Variants in DOCK3 observed in about 807,000 individuals in gnomAD.
DOCK3 encodes dedicator of cytokinesis protein 3.
Under a neutral mutation model 265.6 loss-of-function variants are expected in DOCK3, and 60 were observed. The observed-to-expected ratio is 0.23, with a 90% CI of 0.18 to 0.28. DOCK3 has a LOEUF of 0.28. Ranked by LOEUF, DOCK3 falls within the 10% of genes least tolerant of loss-of-function variation. The pLI is 1.00. For missense variants in DOCK3, 1,981 were observed against 2,594.3 expected (o/e 0.76, Z 5.14); for synonymous variants, 881 against 938.0 (o/e 0.94, Z 1.11).
At chr3:50,813,273 C>T (rs2043870524) in intron 2 of DOCK3, among the ~76,000 whole-genome samples, 2 of 152,184 alleles carry the variant, frequency 1.3e-5, no homozygotes, top group Admixed American at 1.3e-4. Flanking sequence ...GTGGCTCACA[C>T]CTGTAATCCT....
chr3:51,067,585 G>C (rs755543577), intron 6 of DOCK3, among the ~76,000 whole-genome samples: 1 of 149,058 alleles, frequency 6.7e-6, no homozygotes, highest in South Asian at 2.1e-4. Flanking sequence ...CCTACTTTCC[G>C]TCTTCTTTTC....
At chr3:50,876,422 G>A (rs1042611624) in intron 3 of DOCK3, among the ~76,000 whole-genome samples, 1 of 152,050 alleles carries the variant, frequency 6.6e-6, no homozygotes, top group African/African-American at 2.4e-5. Flanking sequence ...AAAATATTTA[G>A]TATTTTATTC....
intron 27 of DOCK3, among the ~76,000 whole-genome samples, chr3:51,308,880 G>A (rs1464439772): frequency 4.3e-5 from 6 of 139,436 alleles, no homozygotes; most frequent in East Asian, 2.0e-4. Flanking sequence ...GGCGGCTGCC[G>A]GGCGGAGGGT....
chr3:50,706,976 T>C (rs572597289), intron 1 of DOCK3, among the ~76,000 whole-genome samples: 1 of 152,244 alleles, frequency 6.6e-6, no homozygotes, highest in African/African-American at 2.4e-5. Context: ...GCTGTTTTTA[T>C]GATAGTGAGT....
intron 2 of DOCK3, among the ~76,000 whole-genome samples, chr3:50,807,249 C>CTTT (rs59370167): frequency 4.2e-3 from 607 of 143,892 alleles, no homozygotes; most frequent in Non-Finnish European, 6.1e-3. Flanking sequence ...CTGCCACGCT[C>CTTT]TTTTTTTTTT....
chr3:51,187,152 GC>G (rs1271420133), intron 12 of DOCK3, among the ~76,000 whole-genome samples: 3 of 152,346 alleles, frequency 2.0e-5, no homozygotes, highest in African/African-American at 7.2e-5. Context: ...ACCCTGCAAA[GC>G]CACAGTGGGT....
rs139529330 is a variant in DOCK3, at chr3:51,323,271, C to T, written c.3403-6867C>T. Among the ~76,000 whole-genome samples, 257 of 152,096 alleles carry T rather than the reference C, an allele frequency of 1.7e-3. 7 individuals carry two copies. In the East Asian group the frequency reaches 0.047, roughly 28 times the overall value. On this transcript the variant is annotated intron_variant, in intron 32 of 52. Transcript: ENST00000266037. ...CAATAATAGTGGGAGTCTTTAACAC[C>T]CCACTGTCTATATTAGACAGATTAA...
At chr3:51,228,227 C>G (rs533230384) in intron 17 of DOCK3, 139 bp downstream of exon 17, 1 of 793,372 alleles carries the variant, frequency 1.3e-6, no homozygotes, top group Admixed American at 2.4e-5. Context: ...AGTGGGACAT[C>G]TGTGGGCAGG....
intron 2 of DOCK3, among the ~76,000 whole-genome samples, chr3:50,833,773 A>G (rs762502717): frequency 7.2e-5 from 11 of 152,302 alleles, no homozygotes; most frequent in East Asian, 3.9e-4. Flanking sequence ...AAAATAACCA[A>G]TTTCTCCAAT....
At chr3:50,741,012 G>A (rs979314393) in intron 1 of DOCK3, among the ~76,000 whole-genome samples, 3 of 151,694 alleles carry the variant, frequency 2.0e-5, no homozygotes, top group African/African-American at 7.3e-5. Flanking sequence ...CCAAGTCTAG[G>A]TACCTTATAT....
rs2355701 is a variant in DOCK3, at chr3:50,876,526, A to C, written c.163-13500A>C. ...GATTTGAATGAATATCCTAATGGCA[A>C]ACCACAGTAAAATATTCAGCTGCAT... is the stretch of plus-strand genomic sequence containing the variant. On this transcript the variant is annotated intron_variant, in intron 3 of 52. Coordinates refer to ENST00000266037, the MANE Select transcript of DOCK3 (RefSeq NM_004947.5). Among the ~76,000 whole-genome samples, 15 of 151,996 alleles carry C rather than the reference A, an allele frequency of 9.9e-5. No homozygotes were observed. The East Asian group carries it at 2.0e-3, about 20-fold the overall frequency.
intron 12 of DOCK3, among the ~76,000 whole-genome samples, chr3:51,190,640 G>A (rs1002718641): frequency 6.6e-6 from 1 of 152,226 alleles, no homozygotes; most frequent in African/African-American, 2.4e-5. Context: ...GATGGCACTA[G>A]GAAAAGAGCA....
intron 44 of DOCK3, 97 bp downstream of exon 44, chr3:51,357,238 C>T: frequency 7.3e-7 from 1 of 1,366,990 alleles, no homozygotes; most frequent in African/African-American, 1.4e-5. Flanking sequence ...CTTAGGTAGC[C>T]TTCCCTACAT....
intron 9 of DOCK3, among the ~76,000 whole-genome samples, chr3:51,136,647 A>G (rs2084819033): frequency 6.6e-6 from 1 of 152,180 alleles, no homozygotes; most frequent in Admixed American, 6.5e-5. Flanking sequence ...TTTCATTTCT[A>G]TAGCCTCAGC....
intron 5 of DOCK3, among the ~76,000 whole-genome samples, chr3:50,950,202 A>G (rs2076551223): frequency 6.6e-6 from 1 of 152,038 alleles, no homozygotes; most frequent in South Asian, 2.1e-4. Flanking sequence ...TATTATAAGT[A>G]CCCATTTTAT....
chr3:50,993,226 G>A (rs1488726975), intron 5 of DOCK3, among the ~76,000 whole-genome samples: 1 of 152,202 alleles, frequency 6.6e-6, no homozygotes. Context: ...GGCTAAAAGA[G>A]CTGTTAAAAC....
At chr3:51,306,888 A>G (rs1399729312) in intron 27 of DOCK3, among the ~76,000 whole-genome samples, 1 of 152,072 alleles carries the variant, frequency 6.6e-6, no homozygotes, top group Non-Finnish European at 1.5e-5. Context: ...CCAATGTTTG[A>G]GCTACCTCAG....
chr3:50,823,076 G>A (rs1387173567), intron 2 of DOCK3, among the ~76,000 whole-genome samples: 1 of 151,990 alleles, frequency 6.6e-6, no homozygotes, highest in African/African-American at 2.4e-5. Flanking sequence ...ACTTTTAAAT[G>A]CCTTTGACAG....
At chr3:50,823,329 G>A (rs1337277981) in intron 2 of DOCK3, among the ~76,000 whole-genome samples, 5 of 152,202 alleles carry the variant, frequency 3.3e-5, no homozygotes, top group Admixed American at 2.6e-4. Flanking sequence ...CACAGTGTTT[G>A]TGTCCCTGAG....
Sources: allele counts gnomAD v4.1 joint callset (sites outside exome capture counted in the v4.1 genomes callset), GRCh38; gene constraint gnomAD v4.1.1; transcripts MANE v1.5; gene names NCBI Gene and HGNC (gene_info 2026-07-23, HGNC 2026-07-21).